The following SYTL5 variants were observed in gnomAD, a reference collection of about 807,000 sequenced individuals.
SYTL5 encodes synaptotagmin like 5, also known as synaptotagmin-like protein 5.
Under a neutral mutation model 55.9 loss-of-function variants are expected in SYTL5, and 34 were observed. That is an observed-to-expected ratio of 0.61 (90% CI 0.46 to 0.81). The LOEUF is 0.81. Among genes scored for constraint, SYTL5 ranks in the 30% least tolerant of loss-of-function variants. The pLI is 0.00. For missense variants in SYTL5, 637 were observed against 546.7 expected, an observed-to-expected ratio of 1.17 and a Z score of -1.65; for synonymous variants, 221 against 188.7, an observed-to-expected ratio of 1.17 and a Z score of -1.40.
chrX:37,955,768 T>A, the SYTL5 span, among the ~76,000 whole-genome samples: 3 of 111,938 alleles, frequency 2.7e-5, no homozygotes, highest in African/African-American at 9.7e-5. Context: ...AAGTTCCATG[T>A]TGGGCTTTGG....
the SYTL5 span, chrX:37,994,371 C>A: frequency 8.9e-6 from 1 of 112,770 alleles, no homozygotes; most frequent in African/African-American, 3.2e-5. Context: ...GTTCTGTAGG[C>A]CTAGGAGACA....
At chrX:37,940,266 A>G in the SYTL5 span, among the ~76,000 whole-genome samples, 1 of 110,436 alleles carries the variant, frequency 9.1e-6, no homozygotes, top group African/African-American at 3.3e-5. Flanking sequence ...ATTTTATTTG[A>G]ATTCCCCTAT....
intron 2 of SYTL5, among the ~76,000 whole-genome samples, chrX:38,045,985 A>G (rs1490457720): frequency 1.8e-5 from 2 of 111,839 alleles, no homozygotes; most frequent in Non-Finnish European, 3.8e-5. Context: ...ATGGCTTTGC[A>G]CAGCTAGGAA....
At chrX:38,060,256 T>G (rs1401481090) in intron 3 of SYTL5, among the ~76,000 whole-genome samples, 2 of 111,800 alleles carry the variant, frequency 1.8e-5, no homozygotes, top group East Asian at 2.8e-4. Context: ...CTCCTACATT[T>G]TATCAGATTA....
chrX:38,078,120 A>T (rs776011333), intron 6 of SYTL5, among the ~76,000 whole-genome samples: 11 of 112,180 alleles, frequency 9.8e-5, no homozygotes, highest in African/African-American at 3.2e-4. Context: ...TTATTTAGAG[A>T]CAGTAAGCAA....
chrX:38,072,246 T>G, intron 4 of SYTL5, 84 bp downstream of exon 4: 1 of 718,544 alleles, frequency 1.4e-6, no homozygotes. Flanking sequence ...ATGTAGTTAA[T>G]CAGCATAAAT....
At position 38,101,997 on chromosome X, in the gene SYTL5, A is replaced by AT. The variant is rs1488063288; in HGVS notation, c.1063-337dup. On this transcript the variant is annotated intron_variant, in intron 9 of 16. Transcript: ENST00000297875. ...TGTGTGTGTTTGCACACACACACAA[A>AT]TTTTTTTTAATTTTAAAGTAACGTA... 2.7e-5 allele frequency among the ~76,000 whole-genome samples: 3 copies of AT among 109,251 alleles called. No individual in the cohort carries two copies. The East Asian group carries it at 8.6e-4, about 31-fold the overall frequency. 94.9% of individuals were successfully genotyped at this position (109,251 alleles called of 115,157 possible).
At chrX:38,048,473 T>C (rs1183797586) in intron 2 of SYTL5, among the ~76,000 whole-genome samples, 2 of 107,006 alleles carry the variant, frequency 1.9e-5, no homozygotes, top group East Asian at 2.9e-4. Context: ...CACTTTACTT[T>C]ATTAGTCTGT....
intron 10 of SYTL5, among the ~76,000 whole-genome samples, chrX:38,105,449 C>T (rs961780247): frequency 8.9e-6 from 1 of 112,237 alleles, no homozygotes; most frequent in Non-Finnish European, 1.9e-5. Flanking sequence ...CGTGACAACA[C>T]GAAGTGGGGA....
At chrX:37,899,377 T>A in the SYTL5 span, among the ~76,000 whole-genome samples, 1 of 111,213 alleles carries the variant, frequency 9.0e-6, no homozygotes, top group African/African-American at 3.3e-5. Flanking sequence ...CCAGCCTACA[T>A]AAATCTTTGA....
the SYTL5 span, among the ~76,000 whole-genome samples, chrX:37,910,984 TGG>T: frequency 9.7e-6 from 1 of 103,620 alleles, no homozygotes; most frequent in Non-Finnish European, 2.0e-5. Flanking sequence ...TTTTTTTTTT[TGG>T]ACAGAGTCTC....
intron 1 of SYTL5, among the ~76,000 whole-genome samples, chrX:38,024,337 G>A (rs4827325): frequency 0.12 from 12,729 of 110,511 alleles, 708 homozygotes; most frequent in Middle Eastern, 0.17. Flanking sequence ...CATGTAAGAC[G>A]TGCCTTTGTT....
the SYTL5 span, among the ~76,000 whole-genome samples, chrX:37,917,797 G>T: frequency 3.6e-5 from 4 of 111,449 alleles, no homozygotes; most frequent in Admixed American, 2.9e-4. Context: ...AAGGAAAAAG[G>T]CCAGGAAAGG....
chrX:38,060,838 A>T (rs1935923594), intron 3 of SYTL5, among the ~76,000 whole-genome samples: 2 of 112,357 alleles, frequency 1.8e-5, no homozygotes, highest in Admixed American at 1.9e-4. Context: ...ATGTTAATGC[A>T]TTGATACAGA....
At chrX:38,048,372 C>G (rs1479290526) in intron 2 of SYTL5, among the ~76,000 whole-genome samples, 1 of 108,940 alleles carries the variant, frequency 9.2e-6, no homozygotes, top group Non-Finnish European at 1.9e-5. Context: ...CTGAGCCCTC[C>G]AAACTCTTCC....
the SYTL5 span, among the ~76,000 whole-genome samples, chrX:37,937,047 CAAA>C: frequency 2.2e-4 from 17 of 77,873 alleles, no homozygotes; most frequent in Non-Finnish European, 2.0e-4. Context: ...AAGACTGTCT[CAAA>C]AAAAAAAAAA....
the SYTL5 span, among the ~76,000 whole-genome samples, chrX:37,976,800 A>C: frequency 1.5e-5 from 1 of 66,891 alleles, no homozygotes; most frequent in Non-Finnish European, 2.4e-5. Context: ...CTAAAAATAC[A>C]AAAAAAAAAA....
At chrX:38,096,345 T>C (rs181080861) in intron 9 of SYTL5, 111 bp downstream of exon 9, 7 of 387,145 alleles carry the variant, frequency 1.8e-5, no homozygotes, top group South Asian at 6.9e-5. Context: ...AGAGAGGATA[T>C]ACAATCATCT....
At chrX:38,082,456 A>G (rs111412330) in intron 6 of SYTL5, among the ~76,000 whole-genome samples, 83 of 112,172 alleles carry the variant, frequency 7.4e-4, no homozygotes, top group African/African-American at 2.7e-3. Context: ...ATTCATACAA[A>G]TGAATTCAAC....
Sources: allele counts gnomAD v4.1 joint callset (sites outside exome capture counted in the v4.1 genomes callset), GRCh38; gene constraint gnomAD v4.1.1; transcripts MANE v1.5; gene names NCBI Gene and HGNC (gene_info 2026-07-23, HGNC 2026-07-21).